PRR33: variants seen among roughly 807,000 people sequenced by gnomAD.
PRR33 encodes the protein proline rich 33, also known as proline-rich protein 33.
PRR33 carries 1 observed loss-of-function variant against 0.5 expected under a neutral mutation model. That is an observed-to-expected ratio of 2.18 (90% CI 0.77 to 10.34). The LOEUF (loss-of-function observed/expected upper bound fraction) is 10.34. PRR33 is among the 30% of genes most tolerant of loss of function. The pLI, the probability that PRR33 is intolerant of heterozygous loss-of-function variation, is 0.13. For missense variants in PRR33, 552 were observed against 251.8 expected, an observed-to-expected ratio of 2.19 and a Z score of -8.07; for synonymous variants, 226 against 110.0, an observed-to-expected ratio of 2.06 and a Z score of -6.60.
chr11:1,913,360 C>A, the PRR33 span, among the ~76,000 whole-genome samples: 1 of 150,300 alleles, frequency 6.7e-6, no homozygotes, highest in Admixed American at 6.6e-5. Flanking sequence ...GTTAGCCAGG[C>A]TGGTCTCGAA....
the PRR33 span, among the ~76,000 whole-genome samples, chr11:1,914,825 T>C: frequency 2.1e-3 from 282 of 135,296 alleles, no homozygotes; most frequent in African/African-American, 7.6e-3. Context: ...TCTGTGTGTG[T>C]TGTGGGTGTA....
At chr11:1,892,326 G>A (rs907732469), upstream of PRR33, 1 of 152,298 alleles carries the variant, frequency 6.6e-6, no homozygotes, top group Admixed American at 6.5e-5. Context: ...TGTTGGGCCA[G>A]TGGCCAGCCC....
At chr11:1,889,918 C>G in exon 1 of PRR33, 1 of 627,798 alleles carries the variant, frequency 1.6e-6, no homozygotes, top group Non-Finnish European at 2.9e-6. Flanking sequence ...GCCACTGGGA[C>G]CAGGGGCTGG....
At chr11:1,915,420 G>A in the PRR33 span, among the ~76,000 whole-genome samples, 22 of 148,750 alleles carry the variant, frequency 1.5e-4, no homozygotes, top group Non-Finnish European at 2.2e-4. Context: ...TATGTTGTGC[G>A]GTCACGCACC....
At chr11:1,898,143 T>C in the PRR33 span, among the ~76,000 whole-genome samples, 13 of 152,196 alleles carry the variant, frequency 8.5e-5, no homozygotes, top group African/African-American at 3.1e-4. Flanking sequence ...AGCAAGTCTA[T>C]CATCCCACAC....
exon 1 of PRR33, chr11:1,890,510 C>A (rs531127903): frequency 1.4e-6 from 1 of 716,490 alleles, no homozygotes; most frequent in African/African-American, 1.7e-5. Context: ...GCAGCAGGGG[C>A]GGTGGGGGTC....
the PRR33 span, among the ~76,000 whole-genome samples, chr11:1,906,406 G>T: frequency 2.6e-5 from 4 of 152,110 alleles, no homozygotes; most frequent in African/African-American, 9.7e-5. Context: ...GGCTCTGAGT[G>T]ACTGATATTT....
the PRR33 span, among the ~76,000 whole-genome samples, chr11:1,916,382 C>A: frequency 6.6e-6 from 1 of 152,104 alleles, no homozygotes; most frequent in Non-Finnish European, 1.5e-5. Flanking sequence ...AAAGCAAAAC[C>A]TCGACAGAGC....
chr11:1,904,537 A>G, the PRR33 span, among the ~76,000 whole-genome samples: 1 of 150,366 alleles, frequency 6.7e-6, no homozygotes, highest in Non-Finnish European at 1.5e-5. Context: ...TCAAAAAAGA[A>G]AAAAAAAAGA....
At chr11:1,899,549 A>G in the PRR33 span, among the ~76,000 whole-genome samples, 2 of 152,178 alleles carry the variant, frequency 1.3e-5, no homozygotes, top group African/African-American at 4.8e-5. Flanking sequence ...ATGAGGTTCT[A>G]TATAGGACTT....
chr11:1,893,433 C>A (rs1178658048), upstream of PRR33, among the ~76,000 whole-genome samples: 4 of 125,790 alleles, frequency 3.2e-5, no homozygotes, highest in Admixed American at 7.9e-5. Flanking sequence ...GGATGGCTGG[C>A]TGGCTGGCTG....
chr11:1,899,644 A>C, the PRR33 span, among the ~76,000 whole-genome samples: 1 of 152,142 alleles, frequency 6.6e-6, no homozygotes. Flanking sequence ...CCCTTGACCA[A>C]GGCAGCCCAG....
the PRR33 span, among the ~76,000 whole-genome samples, chr11:1,903,845 T>C: frequency 1.3e-5 from 2 of 152,138 alleles, no homozygotes; most frequent in Non-Finnish European, 2.9e-5. Flanking sequence ...AACACGAACA[T>C]CCTTGTGAAT....
chr11:1,895,754 G>C (rs902580303), upstream of PRR33, among the ~76,000 whole-genome samples: 1 of 152,028 alleles, frequency 6.6e-6, no homozygotes, highest in Non-Finnish European at 1.5e-5. Context: ...TTTTCTTTTT[G>C]CATATGGAGA....
chr11:1,898,237 C>CTT, the PRR33 span, among the ~76,000 whole-genome samples: 11 of 144,700 alleles, frequency 7.6e-5, no homozygotes, highest in African/African-American at 1.0e-4. Flanking sequence ...ACGAGGGATA[C>CTT]TTTTTTTTTT....
exon 1 of PRR33, chr11:1,889,840 G>T: frequency 1.6e-6 from 1 of 634,234 alleles, no homozygotes; most frequent in Non-Finnish European, 2.9e-6. Context: ...GGTGGCGGCC[G>T]TGGTACAGGG....
exon 1 of PRR33, chr11:1,889,066 T>C (rs766749754): frequency 3.2e-4 from 185 of 578,306 alleles, no homozygotes; most frequent in Non-Finnish European, 5.5e-4. Flanking sequence ...ATGCAGCAAC[T>C]ATGGGCCCCC....
At chr11:1,914,071 C>T in the PRR33 span, among the ~76,000 whole-genome samples, 3 of 152,268 alleles carry the variant, frequency 2.0e-5, no homozygotes, top group Admixed American at 6.5e-5. Context: ...AGATTTCACC[C>T]GGGCGTACCC....
At chr11:1,889,206 AG>A in the PRR33 span, 1 of 674,932 alleles carries the variant, frequency 1.5e-6, no homozygotes. Flanking sequence ...GCTCAGCTCC[AG>A]GATGGAGCGG....
Sources: gnomAD v4.1 joint callset for allele counts (sites outside exome capture counted in the v4.1 genomes callset) on GRCh38, gnomAD v4.1.1 for gene constraint, MANE v1.5 for transcripts, NCBI Gene and HGNC (gene_info 2026-07-23, HGNC 2026-07-21) for gene names.